Variants in ETV5 observed in about 807,000 individuals in gnomAD.
The protein encoded by ETV5 is ETS translocation variant 5.
ETV5 carries 10 observed loss-of-function variants against 70.0 expected under a neutral mutation model. The observed-to-expected ratio is 0.14, with a 90% CI of 0.09 to 0.24. The LOEUF (loss-of-function observed/expected upper bound fraction) is 0.24. Ranked by LOEUF, ETV5 falls within the 10% of genes least tolerant of loss-of-function variation. ETV5 has a pLI of 1.00. For synonymous variants in ETV5, 216 were observed against 242.2 expected (o/e 0.89, Z 1.01); for missense variants, 453 against 651.2 (o/e 0.70, Z 3.31).
At position 186,067,027 on chromosome 3, in the gene ETV5, G is replaced by C. The variant is rs142240892; in HGVS notation, c.651-955C>G. ...AAGTGAAACCAGGCCAGGCATTGTG[G>C]CTCATGCCAGTAATCCCAGCACTTT... On this transcript the variant is annotated intron_variant, in intron 7 of 12. Transcript: ENST00000306376. 3.0e-4 allele frequency among the ~76,000 whole-genome samples: 45 copies of C among 152,352 alleles called. 1 individual carries two copies. The East Asian group carries it at 4.2e-3, about 14-fold the overall frequency.
intron 5 of ETV5, among the ~76,000 whole-genome samples, chr3:186,084,843 A>G (rs1267955534): frequency 2.6e-5 from 4 of 152,100 alleles, no homozygotes; most frequent in Admixed American, 6.6e-5. Context: ...GAAGGCATAA[A>G]CCTTTTTTTC....
At position 186,101,711 on chromosome 3, in the gene ETV5, A is replaced by G. The variant is rs547357699; in HGVS notation, c.232+3594T>C. 2.6e-5 allele frequency among the ~76,000 whole-genome samples: 4 copies of G among 152,294 alleles called. No individual in the cohort carries two copies. In the South Asian group the frequency reaches 8.3e-4, roughly 32 times the overall value. On this transcript the variant is annotated intron_variant, in intron 5 of 12. Coordinates refer to ENST00000306376, the MANE Select transcript of ETV5 (RefSeq NM_004454.3). ...GCTTTGTGAGAGCTTCTTTAAGAATATTATTTTATACATCTTCCTCTTACT... is the reference window on the plus strand; with the variant it reads ...GCTTTGTGAGAGCTTCTTTAAGAATGTTATTTTATACATCTTCCTCTTACT...
intron 5 of ETV5, among the ~76,000 whole-genome samples, chr3:186,084,778 C>A (rs1201492903): frequency 6.6e-6 from 1 of 152,168 alleles, no homozygotes; most frequent in African/African-American, 2.4e-5. Flanking sequence ...TCATCTTCTA[C>A]CACACTGACA....
chr3:186,097,480 C>T (rs1166646390), intron 5 of ETV5, among the ~76,000 whole-genome samples: 2 of 152,124 alleles, frequency 1.3e-5, no homozygotes, highest in East Asian at 1.9e-4. Context: ...AAAGCCACAA[C>T]CCCACGGGAA....
chr3:186,108,003 GA>G lies in ETV5; in HGVS notation c.-75+936del, dbSNP rs555425032. Among the ~76,000 whole-genome samples, 560 of 131,570 alleles carry G rather than the reference GA, an allele frequency of 4.3e-3. 2 individuals carry two copies. Among genetic ancestry groups the G allele is most frequent in the African/African-American group, 0.012 (421 of 36,026 alleles). 86.3% of individuals were successfully genotyped at this position (131,570 alleles called of 152,430 possible). A position where few individuals can be genotyped will look rare whatever the true frequency, so the allele number is the denominator to read the frequency against. Reference sequence around the variant, plus strand: ...CAATGCTTCATTCACAAAAAGGGAAGAAAAAAAAAAAAGCCGCAGGGAGCAG... The same window carrying G: ...CAATGCTTCATTCACAAAAAGGGAAGAAAAAAAAAAAGCCGCAGGGAGCAG... On this transcript the variant is annotated intron_variant, in intron 1 of 12. Transcript: ENST00000306376.
intron 7 of ETV5, chr3:186,079,054 T>G: frequency 9.4e-7 from 1 of 1,065,272 alleles, no homozygotes; most frequent in Non-Finnish European, 1.1e-6. Context: ...CTTGCATCCT[T>G]TGGTAATATT....
At chr3:186,061,319 T>G (rs1339156726) in intron 9 of ETV5, among the ~76,000 whole-genome samples, 1 of 152,168 alleles carries the variant, frequency 6.6e-6, no homozygotes, top group Non-Finnish European at 1.5e-5. Flanking sequence ...GAAATCTACA[T>G]TTTTAGAAGC....
chr3:186,106,945 C>T (rs911413175), intron 1 of ETV5: 3 of 984,984 alleles, frequency 3.0e-6, no homozygotes, highest in East Asian at 2.3e-4. Flanking sequence ...ATTTCACTCA[C>T]TCCAGCTCTA....
intron 6 of ETV5, chr3:186,080,541 C>G: frequency 4.3e-6 from 1 of 233,356 alleles, no homozygotes; most frequent in Non-Finnish European, 8.4e-6. Flanking sequence ...ATTAACAACT[C>G]TTCTCCTCCC....
intron 5 of ETV5, among the ~76,000 whole-genome samples, chr3:186,097,444 C>A (rs1202499280): frequency 1.3e-5 from 2 of 152,148 alleles, no homozygotes; most frequent in African/African-American, 4.8e-5. Context: ...CAGAGAAGAG[C>A]AGGCAGGAAT....
intron 11 of ETV5, among the ~76,000 whole-genome samples, chr3:186,055,863 A>G (rs951690202): frequency 1.3e-5 from 2 of 152,162 alleles, no homozygotes; most frequent in African/African-American, 4.8e-5. Context: ...ATGCTTTCTA[A>G]GAGTGTCTAA....
Position 186,046,695 on chromosome 3 carries a change from C to T in ETV5, c.*1944G>A. On this transcript the variant is annotated 3_prime_UTR_variant, in exon 13 of 13. Coordinates refer to ENST00000306376, the MANE Select transcript of ETV5 (RefSeq NM_004454.3). ...AAAAGAAAAAAAAAAAAAATCCAAA[C>T]CAGGGTAAGTAAAGAAAGGAAAACC... 1 of 227,752 alleles carries T rather than the reference C, an allele frequency of 4.4e-6. No homozygotes were observed. Among genetic ancestry groups the T allele is most frequent in the East Asian group, 6.2e-5 (1 of 16,180 alleles). 14.1% of individuals were successfully genotyped at this position (227,752 alleles called of 1,614,324 possible).
chr3:186,101,164 A>G (rs943273252), intron 5 of ETV5, among the ~76,000 whole-genome samples: 1 of 152,274 alleles, frequency 6.6e-6, no homozygotes, highest in Admixed American at 6.5e-5. Flanking sequence ...ATTTAGCTAC[A>G]TACACAGTTA....
intron 7 of ETV5, among the ~76,000 whole-genome samples, chr3:186,074,655 T>C (rs1463099595): frequency 6.6e-6 from 1 of 152,086 alleles, no homozygotes; most frequent in Non-Finnish European, 1.5e-5. Flanking sequence ...GGCTCATGCC[T>C]GTAATCCCAG....
chr3:186,105,980 G>T lies in ETV5; in HGVS notation c.-74-38C>A. The T allele has an allele frequency of 7.1e-7, 1 of 1,414,470 alleles. No homozygotes were observed. Among genetic ancestry groups the T allele is most frequent in the South Asian group, 1.3e-5 (1 of 77,660 alleles). The allele number at this position is 1,414,470 out of a possible 1,614,324, so 87.6% of individuals were successfully genotyped here. On this transcript the variant is annotated intron_variant, in intron 1 of 12. Coordinates refer to ENST00000306376, the MANE Select transcript of ETV5 (RefSeq NM_004454.3). The surrounding 1 kb of genome is among the most constrained non-coding windows in gnomAD (Gnocchi z 4.5). ...TTTGGGAGATTTTAACTAAGAGGGG[G>T]GAAAAAAAGAAATGAAACAATTTTA...
chr3:186,107,782 G>A (rs927690081), intron 1 of ETV5, among the ~76,000 whole-genome samples: 8 of 151,848 alleles, frequency 5.3e-5, no homozygotes, highest in African/African-American at 1.2e-4. Context: ...AGAGCGAGCC[G>A]CGGCCGCCAC....
At chr3:186,092,842 C>T (rs1363109923) in intron 5 of ETV5, among the ~76,000 whole-genome samples, 1 of 152,066 alleles carries the variant, frequency 6.6e-6, no homozygotes, top group Non-Finnish European at 1.5e-5. Context: ...CCTCAGATAA[C>T]CCTAAGTCTC....
At chr3:186,067,253 T>C (rs1396546634) in intron 7 of ETV5, among the ~76,000 whole-genome samples, 3 of 152,194 alleles carry the variant, frequency 2.0e-5, no homozygotes, top group Non-Finnish European at 4.4e-5. Flanking sequence ...GCCAACATGG[T>C]GAAACCCGTC....
At chr3:186,072,847 A>T (rs966091706) in intron 7 of ETV5, among the ~76,000 whole-genome samples, 1 of 152,190 alleles carries the variant, frequency 6.6e-6, no homozygotes, top group Non-Finnish European at 1.5e-5. Context: ...TAACATTAAT[A>T]ACTTTGGCTG....
Sources: allele counts gnomAD v4.1 joint callset (sites outside exome capture counted in the v4.1 genomes callset), GRCh38; gene constraint gnomAD v4.1.1; non-coding constraint Gnocchi (gnomAD v3.1); transcripts MANE v1.5; gene names NCBI Gene and HGNC (gene_info 2026-07-23, HGNC 2026-07-21).